The following SNX13 variants were observed in gnomAD, a reference collection of about 807,000 sequenced individuals.
The protein encoded by SNX13 is sorting nexin-13.
In SNX13, 45 loss-of-function variants were observed where a neutral mutation model predicts 133.6. The observed-to-expected ratio is 0.34, with a 90% CI of 0.27 to 0.43. SNX13 has a LOEUF of 0.43. Among genes scored for constraint, SNX13 ranks in the 20% least tolerant of loss-of-function variants. SNX13 has a pLI of 1.00. For missense variants in SNX13, 1,032 were observed against 1,145.1 expected (o/e 0.90, Z 1.43); for synonymous variants, 414 against 373.9 (o/e 1.11, Z -1.24).
At chr7:17,817,228 T>A (rs1307793065) in intron 18 of SNX13, among the ~76,000 whole-genome samples, 2 of 152,228 alleles carry the variant, frequency 1.3e-5, no homozygotes, top group Non-Finnish European at 2.9e-5. Context: ...ATCATCGTAA[T>A]CTGTAATGCC....
intron 15 of SNX13, 51 bp downstream of exon 15, chr7:17,834,001 A>C: frequency 7.8e-7 from 1 of 1,278,926 alleles, no homozygotes; most frequent in Non-Finnish European, 1.0e-6. Flanking sequence ...TGGTAAGCAG[A>C]ATATATATAA....
chr7:17,923,696 A>G (rs1800396853), intron 1 of SNX13, among the ~76,000 whole-genome samples: 1 of 152,178 alleles, frequency 6.6e-6, no homozygotes, highest in South Asian at 2.1e-4. Flanking sequence ...AGAGAAACAA[A>G]TACTAGTTTC....
intron 15 of SNX13, chr7:17,832,301 T>C: frequency 4.1e-6 from 4 of 984,606 alleles, no homozygotes; most frequent in Non-Finnish European, 4.8e-6. Flanking sequence ...TAGAAAGATA[T>C]GAATGGAAGC....
At chr7:17,908,466 T>G (rs767783473) in intron 1 of SNX13, among the ~76,000 whole-genome samples, 1 of 152,200 alleles carries the variant, frequency 6.6e-6, no homozygotes, top group Non-Finnish European at 1.5e-5. Flanking sequence ...TTCTATCAAG[T>G]TCCCCTCAAG....
At chr7:17,891,115 A>G (rs912146628) in intron 4 of SNX13, among the ~76,000 whole-genome samples, 20 of 151,962 alleles carry the variant, frequency 1.3e-4, no homozygotes, top group African/African-American at 4.6e-4. Flanking sequence ...TCAAACATCA[A>G]TGAAAAATAT....
rs1160178469 is a variant in SNX13, at chr7:17,875,757, A to G, written c.474T>C (p.Thr158=). Residue 158 remains threonine (T), a synonymous_variant, in exon 6 of 26, where the codon ACT becomes ACC. Coordinates refer to ENST00000428135, the MANE Select transcript of SNX13 (RefSeq NM_015132.5). ...TGCCAAAGTCATCTACAATGCGTGT[A>G]GTAAAATAAGGTTGCCAGTCTATTT... The part of the protein sequence containing the change: ...SKEIDWQPYF[T]TRIVDDFGTH... 1 of 1,609,286 alleles carries G rather than the reference A, an allele frequency of 6.2e-7. No homozygotes were observed. Among genetic ancestry groups the G allele is most frequent in the African/African-American group, 1.3e-5 (1 of 74,814 alleles).
At chr7:17,921,045 CT>C (rs1188942619) in intron 1 of SNX13, among the ~76,000 whole-genome samples, 1 of 152,186 alleles carries the variant, frequency 6.6e-6, no homozygotes, top group Non-Finnish European at 1.5e-5. Context: ...TTAGAAAAGA[CT>C]CCAACCACTA....
intron 5 of SNX13, among the ~76,000 whole-genome samples, chr7:17,878,253 T>C (rs1431066646): frequency 1.3e-5 from 2 of 152,140 alleles, no homozygotes; most frequent in African/African-American, 2.4e-5. Flanking sequence ...AACCGGGCTA[T>C]TACATAATGC....
intron 5 of SNX13, among the ~76,000 whole-genome samples, chr7:17,884,081 C>G (rs1054791769): frequency 6.6e-6 from 1 of 152,060 alleles, no homozygotes; most frequent in Admixed American, 6.6e-5. Context: ...ATTCCTGCAA[C>G]AGACAGTTTT....
In SNX13 at chr7:17,803,491, C is replaced by A; in HGVS notation, c.2154G>T (p.Met718Ile). 6.2e-7 allele frequency: 1 copy of A among 1,612,544 alleles called. No individual in the cohort carries two copies. Among genetic ancestry groups the A allele is most frequent in the South Asian group, 1.1e-5 (1 of 90,768 alleles). The change falls in exon 21 of 26, where the codon ATG becomes ATT. Residue 718 changes from methionine (M) to isoleucine (I), a missense_variant. Physicochemically the swap from Met to Ile is conservative, Grantham distance 10. Transcript: ENST00000428135. ...KSLPDSLAEGMTKMSDNMGKM... is the reference protein window; with the variant it reads ...KSLPDSLAEGITKMSDNMGKM... ...TGCCCATGTTGTCTGACATTTTAGTCATTCCCTCTGCCAAGCTATCAGGAA... is the reference window on the plus strand; with the variant it reads ...TGCCCATGTTGTCTGACATTTTAGTAATTCCCTCTGCCAAGCTATCAGGAA...
chr7:17,916,671 C>T (rs964480248), intron 1 of SNX13, among the ~76,000 whole-genome samples: 3 of 150,864 alleles, frequency 2.0e-5, no homozygotes, highest in African/African-American at 7.3e-5. Flanking sequence ...AAAAGAAGAA[C>T]GTATCAACCA....
intron 1 of SNX13, among the ~76,000 whole-genome samples, chr7:17,908,445 C>T (rs1186721071): frequency 6.6e-6 from 1 of 152,142 alleles, no homozygotes. Context: ...CTTTTACTCC[C>T]TAGCAAAAAA....
chr7:17,925,789 AGAG>A (rs1287173679), intron 1 of SNX13, among the ~76,000 whole-genome samples: 1 of 152,150 alleles, frequency 6.6e-6, no homozygotes, highest in African/African-American at 2.4e-5. Context: ...AGGGGAAAAA[AGAG>A]GAGGAGAAAG....
intron 15 of SNX13, 114 bp from the exon 16 acceptor site, chr7:17,830,161 T>TA (rs367739163): frequency 0.11 from 52,782 of 469,834 alleles, 279 homozygotes; most frequent in African/African-American, 0.15. Flanking sequence ...AACATAATAG[T>TA]AAAAAAAAAA....
At chr7:17,852,689 G>C (rs1791376592) in intron 9 of SNX13, among the ~76,000 whole-genome samples, 1 of 152,148 alleles carries the variant, frequency 6.6e-6, no homozygotes, top group Non-Finnish European at 1.5e-5. Context: ...TTTAAGATGA[G>C]AGAGATAATG....
At chr7:17,863,997 T>C (rs1793062882) in intron 9 of SNX13, among the ~76,000 whole-genome samples, 1 of 152,218 alleles carries the variant, frequency 6.6e-6, no homozygotes, top group Non-Finnish European at 1.5e-5. Context: ...AATAGCATAG[T>C]GACCATAGGC....
At chr7:17,830,618 A>G (rs1475072698) in intron 15 of SNX13, 1 of 984,040 alleles carries the variant, frequency 1.0e-6, no homozygotes, top group African/African-American at 1.8e-5. Context: ...ATGCAATTCC[A>G]TTTCATTAAA....
intron 5 of SNX13, chr7:17,881,936 C>T (rs1179975911): frequency 6.6e-6 from 1 of 152,150 alleles, no homozygotes. Flanking sequence ...GTTACCATAA[C>T]CATCTCTCCA....
At chr7:17,926,882 T>C (rs1336032514) in intron 1 of SNX13, among the ~76,000 whole-genome samples, 5 of 151,970 alleles carry the variant, frequency 3.3e-5, no homozygotes, top group African/African-American at 9.7e-5. Flanking sequence ...TGAGACCCTG[T>C]CTCATAAAAG....
Sources: allele counts gnomAD v4.1 joint callset (sites outside exome capture counted in the v4.1 genomes callset), GRCh38; gene constraint gnomAD v4.1.1; transcripts MANE v1.5; gene names NCBI Gene and HGNC (gene_info 2026-07-23, HGNC 2026-07-21).